Variants in PDS5B observed in about 807,000 individuals in gnomAD.
PDS5B encodes the protein PDS5 cohesin associated factor B.
A neutral mutation model predicts 184.1 loss-of-function variants in PDS5B; 51 were observed. The observed-to-expected ratio is 0.28, with a 90% CI of 0.22 to 0.35. PDS5B has a LOEUF of 0.35. Among genes scored for constraint, PDS5B ranks in the 10% least tolerant of loss-of-function variants. The pLI, the probability that PDS5B is intolerant of heterozygous loss-of-function variation, is 1.00. For missense variants in PDS5B, 1,180 were observed against 1,723.3 expected, an observed-to-expected ratio of 0.68 and a Z score of 5.58; for synonymous variants, 566 against 569.2, an observed-to-expected ratio of 0.99 and a Z score of 0.08.
In PDS5B at chr13:32,651,926, C is replaced by T; in HGVS notation, c.231C>T (p.Arg77=). 1.2e-6 allele frequency: 2 copies of T among 1,613,672 alleles called. No homozygotes were observed. The highest frequency in any genetic ancestry group is 1.7e-6 in the Non-Finnish European group (2 of 1,179,662). ...TCAAGCATCCTGATAAAGATGTTCG[C>T]TTACTGGTAGCCTGCTGCCTTGCTG... ...FFLKHPDKDV[R]LLVACCLADI... is the part of the protein sequence containing the mutation. The change falls in exon 3 of 35, where the codon CGC becomes CGT. Residue 77 remains arginine, a synonymous_variant. Coordinates refer to ENST00000315596, the MANE Select transcript of PDS5B (RefSeq NM_015032.4).
intron 7 of PDS5B, among the ~76,000 whole-genome samples, chr13:32,672,724 C>A (rs1373680196): frequency 6.6e-6 from 1 of 152,164 alleles, no homozygotes; most frequent in Non-Finnish European, 1.5e-5. Flanking sequence ...CTTTCCTTTG[C>A]CTTTTTGTTC....
At chr13:32,636,049 G>A (rs776324470) in intron 1 of PDS5B, among the ~76,000 whole-genome samples, 53 of 152,062 alleles carry the variant, frequency 3.5e-4, no homozygotes, top group Non-Finnish European at 6.8e-4. Context: ...GATTACAGGC[G>A]TGAGCCACCG....
chr13:32,672,888 C>T (rs1037287440), intron 7 of PDS5B, among the ~76,000 whole-genome samples: 3 of 152,108 alleles, frequency 2.0e-5, no homozygotes, highest in African/African-American at 7.2e-5. Context: ...TTAATGCAGT[C>T]AAGTTGACAC....
At chr13:32,592,168 A>T (rs1418048504) in intron 1 of PDS5B, among the ~76,000 whole-genome samples, 1 of 151,982 alleles carries the variant, frequency 6.6e-6, no homozygotes, top group Non-Finnish European at 1.5e-5. Context: ...TCATACTGTC[A>T]TTTGGTTTTC....
intron 10 of PDS5B, among the ~76,000 whole-genome samples, chr13:32,680,246 A>G (rs993918621): frequency 2.6e-5 from 4 of 152,104 alleles, no homozygotes; most frequent in Admixed American, 2.0e-4. Flanking sequence ...ATGATTGGCA[A>G]TCTGTGGCTG....
At chr13:32,681,075 C>T (rs6561499) in intron 10 of PDS5B, among the ~76,000 whole-genome samples, 58,231 of 151,956 alleles carry the variant, frequency 0.38, 11,639 homozygotes, top group Non-Finnish European at 0.44. Flanking sequence ...ATCCTGCCAA[C>T]GTATACGTTT....
At chr13:32,661,409 A>AAAAAAAAAAAAAAAAAAAAAAAAAAG in intron 6 of PDS5B, among the ~76,000 whole-genome samples, 1 of 146,492 alleles carries the variant, frequency 6.8e-6, no homozygotes, top group Non-Finnish European at 1.5e-5. Flanking sequence ...AAAAAAAAAA[A>AAAAAAAAAAAAAAAAAAAAAAAAAAG]ACAGAAAAAG....
At chr13:32,695,756 A>T (rs1031676808) in intron 14 of PDS5B, among the ~76,000 whole-genome samples, 1 of 151,924 alleles carries the variant, frequency 6.6e-6, no homozygotes, top group African/African-American at 2.4e-5. Flanking sequence ...GAGCTTCTTC[A>T]TTTTGCCTGT....
intron 19 of PDS5B, among the ~76,000 whole-genome samples, chr13:32,714,654 G>T (rs1952315856): frequency 6.6e-6 from 1 of 152,186 alleles, no homozygotes; most frequent in South Asian, 2.1e-4. Flanking sequence ...TCTCCCATTT[G>T]CTTTTGAAAG....
At chr13:32,627,969 G>A (rs2058394882) in intron 1 of PDS5B, among the ~76,000 whole-genome samples, 1 of 152,144 alleles carries the variant, frequency 6.6e-6, no homozygotes. Context: ...TGACATTTCA[G>A]AATATTTACT....
intron 24 of PDS5B, among the ~76,000 whole-genome samples, chr13:32,749,941 G>A (rs943190320): frequency 1.3e-5 from 2 of 152,076 alleles, no homozygotes; most frequent in African/African-American, 4.8e-5. Context: ...AGATAAAATT[G>A]TATTACTCTA....
chr13:32,624,743 C>T (rs909926086), intron 1 of PDS5B, among the ~76,000 whole-genome samples: 17 of 152,136 alleles, frequency 1.1e-4, no homozygotes, highest in African/African-American at 4.1e-4. Context: ...TTTGCTTCTA[C>T]TGAGAAATTG....
In PDS5B at chr13:32,773,160, C is replaced by T. The variant is rs1379566914; in HGVS notation, c.4173-29C>T. The T allele has an allele frequency of 3.8e-6, 6 of 1,559,996 alleles. No individual in the cohort carries two copies. In the African/African-American group the frequency reaches 6.9e-5, roughly 18 times the overall value. Reference sequence around the variant, plus strand: ...TAATCTACTGAAAGATTGGAACGTTCATTGTGTTTTACATGTGTTTTACTC... The same window carrying T: ...TAATCTACTGAAAGATTGGAACGTTTATTGTGTTTTACATGTGTTTTACTC... On this transcript the variant is annotated intron_variant, in intron 33 of 34. Coordinates refer to ENST00000315596, the MANE Select transcript of PDS5B (RefSeq NM_015032.4).
At chr13:32,654,250 T>G (rs546309714) in intron 3 of PDS5B, among the ~76,000 whole-genome samples, 111 of 152,340 alleles carry the variant, frequency 7.3e-4, no homozygotes, top group Admixed American at 2.1e-3. Flanking sequence ...CTATATATTT[T>G]GTCTACAGTA....
chr13:32,615,449 A>G (rs984794113), intron 1 of PDS5B, among the ~76,000 whole-genome samples: 2 of 67,248 alleles, frequency 3.0e-5, no homozygotes, highest in East Asian at 5.4e-4. Flanking sequence ...AGTGAAATGT[A>G]TACCTATCAT....
chr13:32,700,673 T>G (rs1951839461), intron 16 of PDS5B, among the ~76,000 whole-genome samples: 1 of 152,144 alleles, frequency 6.6e-6, no homozygotes, highest in African/African-American at 2.4e-5. Context: ...AGTTTACCCT[T>G]TCTTTTTGTT....
At chr13:32,696,800 T>A in intron 14 of PDS5B, 54 bp from the exon 15 acceptor site, 1 of 1,287,256 alleles carries the variant, frequency 7.8e-7, no homozygotes, top group Non-Finnish European at 1.1e-6. Flanking sequence ...CAGAGTATGA[T>A]GAAGTTTTCT....
intron 28 of PDS5B, 74 bp from the exon 29 acceptor site, chr13:32,759,549 GTTTGC>G: frequency 4.9e-6 from 3 of 610,476 alleles, no homozygotes; most frequent in Non-Finnish European, 5.6e-6. Context: ...AAAAACTGCT[GTTTGC>G]TTTGTTGGCT....
chr13:32,658,791 C>A (rs2140698650), intron 5 of PDS5B, among the ~76,000 whole-genome samples: 1 of 152,240 alleles, frequency 6.6e-6, no homozygotes, highest in South Asian at 2.1e-4. Context: ...TACATACTGA[C>A]TTCTTAATGC....
Sources: gnomAD v4.1 joint callset for allele counts (sites outside exome capture counted in the v4.1 genomes callset) on GRCh38, gnomAD v4.1.1 for gene constraint, MANE v1.5 for transcripts, NCBI Gene and HGNC (gene_info 2026-07-23, HGNC 2026-07-21) for gene names.